Variants in PCDHGA4 observed in about 807,000 individuals in gnomAD.
PCDHGA4 encodes protocadherin gamma-A4.
PCDHGA4 carries 38 observed loss-of-function variants against 54.6 expected under a neutral mutation model. That is an observed-to-expected ratio of 0.70 (90% CI 0.54 to 0.91). The LOEUF is 0.91. PCDHGA4 is among the 40% of genes least tolerant of loss of function. The probability of loss-of-function intolerance (pLI) is 0.00; values close to 1 mark genes in which losing one functional copy is unlikely to be tolerated. For missense variants in PCDHGA4, 1,298 were observed against 1,220.9 expected, an observed-to-expected ratio of 1.06 and a Z score of -0.94; for synonymous variants, 511 against 512.9, an observed-to-expected ratio of 1.00 and a Z score of 0.05.
At chr5:141,375,665 C>A in intron 1 of PCDHGA4, 1 of 1,614,242 alleles carries the variant, frequency 6.2e-7, no homozygotes, top group Non-Finnish European at 8.5e-7. Flanking sequence ...GTTGAGAGAC[C>A]TACAGCTGTG....
Position 141,477,376 on chromosome 5 carries a change from G to A in PCDHGA4, c.2515-17431G>A. The A allele has an allele frequency of 6.2e-7, 1 of 1,614,146 alleles. No homozygotes were observed. Among genetic ancestry groups the A allele is most frequent in the Non-Finnish European group, 8.5e-7 (1 of 1,180,026 alleles). ...GTGCAGACCTGGATCGGGAGACTGT[G>A]CCAGAATACAACCTCAGCATCACCG... On this transcript the variant is annotated intron_variant, in intron 1 of 3. Transcript: ENST00000571252. This position sits in a 1 kb window ranked among gnomAD's most constrained non-coding sequence, Gnocchi z 4.9.
At chr5:141,414,460 A>G in intron 1 of PCDHGA4, 1 of 1,613,922 alleles carries the variant, frequency 6.2e-7, no homozygotes, top group Non-Finnish European at 8.5e-7. Context: ...AGTGACAGCC[A>G]CAGATGGGGG....
chr5:141,373,773 T>C (rs1429903746), intron 1 of PCDHGA4: 1 of 264,200 alleles, frequency 3.8e-6, no homozygotes, highest in Non-Finnish European at 7.1e-6. Context: ...GTGTCATCTC[T>C]GCAGATTTAG....
At chr5:141,400,654 C>A in intron 1 of PCDHGA4, 1 of 1,142,176 alleles carries the variant, frequency 8.8e-7, no homozygotes, top group Non-Finnish European at 1.3e-6. Context: ...AGCTGTCCTA[C>A]CATTCTTTAA....
intron 1 of PCDHGA4, among the ~76,000 whole-genome samples, chr5:141,460,407 TTG>T: frequency 6.6e-6 from 1 of 152,188 alleles, no homozygotes; most frequent in Non-Finnish European, 1.5e-5. Flanking sequence ...TCCTTTTGAG[TTG>T]ATGTTTATGT....
chr5:141,369,295 G>A (rs556803561), intron 1 of PCDHGA4, among the ~76,000 whole-genome samples: 2 of 152,200 alleles, frequency 1.3e-5, no homozygotes, highest in Admixed American at 6.5e-5. Context: ...TCCTAATAAC[G>A]CATCATTGTT....
At chr5:141,415,650 A>G in intron 1 of PCDHGA4, 1 of 1,597,054 alleles carries the variant, frequency 6.3e-7, no homozygotes, top group Non-Finnish European at 8.5e-7. Context: ...TTAAAAAAAA[A>G]AAGATTGGTT....
intron 1 of PCDHGA4, among the ~76,000 whole-genome samples, chr5:141,459,747 A>G (rs553965181): frequency 3.2e-4 from 48 of 152,318 alleles, no homozygotes; most frequent in African/African-American, 1.1e-3. Flanking sequence ...AATTTTAGCA[A>G]TTCTAGTGGG....
In PCDHGA4 at chr5:141,417,855, G is replaced by T. The variant is rs1436078486; in HGVS notation, c.2514+60234G>T. The T allele has an allele frequency of 2.6e-6, 4 of 1,544,916 alleles. No individual in the cohort carries two copies. In the Admixed American group the frequency reaches 8.0e-5, roughly 31 times the overall value. ...GCGGGGACCCAGCGAGAACCCGAGC[G>T]AACGATGGGAGGGAGCTGCGCGCAG... On this transcript the variant is annotated intron_variant, in intron 1 of 3. Transcript: ENST00000571252.
At chr5:141,495,697 A>G (rs1010733016) in intron 2 of PCDHGA4, among the ~76,000 whole-genome samples, 1 of 152,086 alleles carries the variant, frequency 6.6e-6, no homozygotes, top group Non-Finnish European at 1.5e-5. Flanking sequence ...AGTGCTCAAT[A>G]AATGTGGAGT....
At chr5:141,380,830 A>T (rs1205839306) in intron 1 of PCDHGA4, among the ~76,000 whole-genome samples, 1 of 152,264 alleles carries the variant, frequency 6.6e-6, no homozygotes, top group Non-Finnish European at 1.5e-5. Flanking sequence ...ATTTTGAGGC[A>T]TCAGGTAAAA....
chr5:141,388,743 A>G (rs1228676619), intron 1 of PCDHGA4: 1 of 1,613,916 alleles, frequency 6.2e-7, no homozygotes, highest in Non-Finnish European at 8.5e-7. Context: ...AGCTAGCCAG[A>G]TCACCCAATT....
chr5:141,398,222 A>C, intron 1 of PCDHGA4: 2 of 1,483,320 alleles, frequency 1.3e-6, no homozygotes, highest in Non-Finnish European at 1.8e-6. Flanking sequence ...CTCTGTGAGC[A>C]GATCCGCTAC....
Position 141,432,804 on chromosome 5 carries a change from C to T in PCDHGA4, c.2515-62003C>T, listed in dbSNP as rs1482036720. The T allele has an allele frequency of 1.2e-6, 2 of 1,614,182 alleles. No individual in the cohort carries two copies. Among genetic ancestry groups the T allele is most frequent in the Non-Finnish European group, 1.7e-6 (2 of 1,180,008 alleles). ...GACCTCGGCAGCCTCGAGTCTCCAG[C>T]TAACTCTGAAACCTCAGACCTCACT... is the stretch of plus-strand genomic sequence containing the variant. On this transcript the variant is annotated intron_variant, in intron 1 of 3. Transcript: ENST00000571252. This position sits in a 1 kb window ranked among gnomAD's most constrained non-coding sequence, Gnocchi z 6.0.
rs1312182657 is a variant in PCDHGA4 at position 141,406,777 on chromosome 5, CTT to C, written c.2514+49157_2514+49158del. Among the ~76,000 whole-genome samples the C allele has an allele frequency of 2.0e-5, 3 of 152,268 alleles. No individual in the cohort carries two copies. The East Asian group carries it at 5.8e-4, about 29-fold the overall frequency. On this transcript the variant is annotated intron_variant, in intron 1 of 3. Coordinates refer to ENST00000571252, the MANE Select transcript of PCDHGA4 (RefSeq NM_018917.4). ...CAAGGAATTAAAAATATTTCTCTCA[CTT>C]ATATATTATTTCTGGCTCAATTCTC...
chr5:141,454,366 GT>G (rs2098787984), intron 1 of PCDHGA4, among the ~76,000 whole-genome samples: 1 of 152,166 alleles, frequency 6.6e-6, no homozygotes, highest in Admixed American at 6.5e-5. Flanking sequence ...TTAGAAAGGA[GT>G]ATGGCAACTT....
intron 1 of PCDHGA4, among the ~76,000 whole-genome samples, chr5:141,469,004 C>T (rs570896326): frequency 3.3e-5 from 5 of 151,802 alleles, no homozygotes; most frequent in Admixed American, 2.0e-4. Flanking sequence ...TTGCTGGGTG[C>T]GGTGGGTCAC....
At chr5:141,434,658 T>C (rs1243599957) in intron 1 of PCDHGA4, among the ~76,000 whole-genome samples, 2 of 152,198 alleles carry the variant, frequency 1.3e-5, no homozygotes, top group African/African-American at 2.4e-5. Flanking sequence ...ATCTAATATC[T>C]ATAGAAATGA....
intron 1 of PCDHGA4, chr5:141,408,375 T>C: frequency 6.2e-7 from 1 of 1,613,972 alleles, no homozygotes; most frequent in Non-Finnish European, 8.5e-7. Context: ...GGGCTCAGTG[T>C]CCTGGATGTG....
Sources: gnomAD v4.1 joint callset for allele counts (sites outside exome capture counted in the v4.1 genomes callset) on GRCh38, gnomAD v4.1.1 for gene constraint, Gnocchi (gnomAD v3.1) non-coding constraint, MANE v1.5 for transcripts, NCBI Gene and HGNC (gene_info 2026-07-23, HGNC 2026-07-21) for gene names.